TRPC5: variants seen among roughly 807,000 people sequenced by gnomAD.
The protein encoded by TRPC5 is transient receptor potential cation channel subfamily C member 5.
TRPC5 carries 9 observed loss-of-function variants against 56.5 expected under a neutral mutation model. The observed-to-expected ratio is 0.16, with a 90% CI of 0.10 to 0.28. TRPC5 has a LOEUF of 0.28. Ranked by LOEUF, TRPC5 falls within the 10% of genes least tolerant of loss-of-function variation. The pLI is 1.00. For synonymous variants in TRPC5, 282 were observed against 278.5 expected (o/e 1.01, Z -0.13); for missense variants, 469 against 748.9 (o/e 0.63, Z 4.36).
chrX:111,898,289 G>A (rs1009601955), intron 3 of TRPC5, among the ~76,000 whole-genome samples: 3 of 93,329 alleles, frequency 3.2e-5, no homozygotes, highest in African/African-American at 1.0e-4. Flanking sequence ...ACACACACGC[G>A]TGTGTGCGCA....
In TRPC5 at chrX:111,835,560, G is replaced by A. The variant is rs767619125; in HGVS notation, c.1701-444C>T. On this transcript the variant is annotated intron_variant, in intron 6 of 10. Coordinates refer to ENST00000262839, the MANE Select transcript of TRPC5 (RefSeq NM_012471.3). ...TCCCAGCACTTTGGGAGGCCGAGGC[G>A]GGTGGATCACAAGGTCAGGAGATCG... Among the ~76,000 whole-genome samples, 15 of 111,663 alleles carry A rather than the reference G, an allele frequency of 1.3e-4. No individual in the cohort carries two copies. In the East Asian group the frequency reaches 4.2e-3, roughly 32 times the overall value.
At chrX:112,049,502 G>C (rs1004962269) in intron 1 of TRPC5, among the ~76,000 whole-genome samples, 1 of 105,278 alleles carries the variant, frequency 9.5e-6, no homozygotes, top group African/African-American at 3.4e-5. Flanking sequence ...GTAATTAATA[G>C]ATAATACATA....
At chrX:112,032,548 A>G (rs748404842) in intron 1 of TRPC5, among the ~76,000 whole-genome samples, 76 of 112,205 alleles carry the variant, frequency 6.8e-4, no homozygotes, top group Admixed American at 8.5e-4. Flanking sequence ...GGTTGTTTCC[A>G]TCTCTTGGCT....
At position 111,992,491 on chromosome X, in the gene TRPC5, G is replaced by A. The variant is rs1191142186; in HGVS notation, c.-21-40050C>T. The stretch of plus-strand genomic sequence containing the variant: ...AGATAACTGACTGTGGAGTTAGACA[G>A]ACCTATGGCTGTCACTTACTAGCTG... On this transcript the variant is annotated intron_variant, in intron 1 of 10. Transcript: ENST00000262839. Among the ~76,000 whole-genome samples, 3 of 111,191 alleles carry A rather than the reference G, an allele frequency of 2.7e-5. No homozygotes were observed. The Admixed American group carries it at 2.9e-4, about 11-fold the overall frequency.
chrX:112,005,228 CAT>C (rs1358564280), intron 1 of TRPC5, among the ~76,000 whole-genome samples: 2 of 110,313 alleles, frequency 1.8e-5, no homozygotes, highest in Non-Finnish European at 3.8e-5. Context: ...CCAAATACCA[CAT>C]GTTTTCACTT....
At chrX:112,024,624 A>G (rs1569529755) in intron 1 of TRPC5, among the ~76,000 whole-genome samples, 1 of 111,297 alleles carries the variant, frequency 9.0e-6, no homozygotes, top group Non-Finnish European at 1.9e-5. Flanking sequence ...ATGCAAGTCA[A>G]TTTTTTAATA....
At chrX:111,814,709 C>T (rs770824146) in intron 7 of TRPC5, among the ~76,000 whole-genome samples, 17 of 110,235 alleles carry the variant, frequency 1.5e-4, no homozygotes, top group Non-Finnish European at 2.5e-4. Context: ...CATCCCCATC[C>T]TCAGGCATGA....
intron 2 of TRPC5, among the ~76,000 whole-genome samples, chrX:111,930,560 C>T (rs1220919843): frequency 9.1e-5 from 10 of 110,422 alleles, no homozygotes; most frequent in South Asian, 4.0e-4. Context: ...GAAATTGCAC[C>T]GCTGAACTCC....
At chrX:112,025,514 C>A (rs757097793) in intron 1 of TRPC5, among the ~76,000 whole-genome samples, 5 of 111,811 alleles carry the variant, frequency 4.5e-5, no homozygotes, top group African/African-American at 1.6e-4. Flanking sequence ...CCTTGGCATT[C>A]ATTTTTTTTG....
intron 7 of TRPC5, among the ~76,000 whole-genome samples, chrX:111,802,840 CTTTA>C (rs926951783): frequency 3.6e-5 from 4 of 111,102 alleles, no homozygotes; most frequent in Admixed American, 9.6e-5. Context: ...ATATCTATAT[CTTTA>C]TTTATTTATT....
At chrX:112,044,274 A>G (rs1301640254) in intron 1 of TRPC5, among the ~76,000 whole-genome samples, 1 of 112,105 alleles carries the variant, frequency 8.9e-6, no homozygotes, top group Non-Finnish European at 1.9e-5. Context: ...ATAAAGTAAC[A>G]TTTGTCATCT....
intron 7 of TRPC5, among the ~76,000 whole-genome samples, chrX:111,824,549 GAA>G (rs1922130610): frequency 9.0e-6 from 1 of 111,597 alleles, no homozygotes; most frequent in Non-Finnish European, 1.9e-5. Context: ...TAGTGAATGA[GAA>G]AGAGCTCAGT....
chrX:111,814,948 C>T (rs1270680626), intron 7 of TRPC5, among the ~76,000 whole-genome samples: 2 of 111,396 alleles, frequency 1.8e-5, no homozygotes, highest in African/African-American at 6.5e-5. Context: ...TCCCAATTCC[C>T]CTCACACTCC....
At chrX:111,955,826 C>T (rs1018234287) in intron 1 of TRPC5, among the ~76,000 whole-genome samples, 1 of 111,996 alleles carries the variant, frequency 8.9e-6, no homozygotes, top group Non-Finnish European at 1.9e-5. Flanking sequence ...GACCCTTTAC[C>T]TTTATACTTG....
rs780734314 is a variant in TRPC5, at chrX:111,774,794, G to T, written c.*1519C>A. On this transcript the variant is annotated 3_prime_UTR_variant, in exon 11 of 11. Transcript: ENST00000262839. ...GAAATTACATACATTAATCTAAATG[G>T]ATTCCTATTGGTGTTGACATTAAAA... 1.8e-5 allele frequency: 2 copies of T among 110,373 alleles called. No homozygotes were observed. 9.1% of individuals were successfully genotyped at this position (110,373 alleles called of 1,213,427 possible). A position where few individuals can be genotyped will look rare whatever the true frequency, so the allele number is the denominator to read the frequency against.
chrX:111,936,997 C>T (rs1281869695), intron 2 of TRPC5, among the ~76,000 whole-genome samples: 2 of 106,009 alleles, frequency 1.9e-5, no homozygotes, highest in Non-Finnish European at 3.9e-5. Context: ...ACATCCTCTC[C>T]AGCACCTGTT....
At chrX:111,975,881 G>A (rs1357431966) in intron 1 of TRPC5, among the ~76,000 whole-genome samples, 1 of 111,722 alleles carries the variant, frequency 9.0e-6, no homozygotes, top group Non-Finnish European at 1.9e-5. Context: ...TCCAGCCTGG[G>A]CGACAGAGCA....
At chrX:111,878,788 C>A (rs971960421) in intron 3 of TRPC5, among the ~76,000 whole-genome samples, 1 of 111,753 alleles carries the variant, frequency 8.9e-6, no homozygotes, top group Non-Finnish European at 1.9e-5. Flanking sequence ...CTTTGTCCTT[C>A]AGCAGGGGCA....
chrX:112,054,701 CT>C (rs1488371084), intron 1 of TRPC5, among the ~76,000 whole-genome samples: 6 of 111,169 alleles, frequency 5.4e-5, no homozygotes, highest in African/African-American at 2.0e-4. Context: ...GTCTACCTGT[CT>C]TTAAAGCCTA....
Sources: allele counts gnomAD v4.1 joint callset (sites outside exome capture counted in the v4.1 genomes callset), GRCh38; gene constraint gnomAD v4.1.1; transcripts MANE v1.5; gene names NCBI Gene and HGNC (gene_info 2026-07-23, HGNC 2026-07-21).